TRAPPC12: variants seen among roughly 807,000 people sequenced by gnomAD.
TRAPPC12 encodes the protein trafficking protein particle complex subunit 12, also known as TPR repeat protein 15.
TRAPPC12 carries 61 observed loss-of-function variants against 69.2 expected under a neutral mutation model. That is an observed-to-expected ratio of 0.88 (90% CI 0.72 to 1.09). TRAPPC12 has a LOEUF of 1.09. TRAPPC12 is among the 50% of genes least tolerant of loss of function. TRAPPC12 has a pLI of 0.00. For synonymous variants in TRAPPC12, 469 were observed against 438.9 expected (o/e 1.07, Z -0.86); for missense variants, 1,101 against 1,016.4 (o/e 1.08, Z -1.13).
chr2:3,478,994 C>A, intron 11 of TRAPPC12, 61 bp downstream of exon 11: 10 of 1,545,956 alleles, frequency 6.5e-6, no homozygotes, highest in Non-Finnish European at 8.9e-6. Flanking sequence ...TAGAAACATA[C>A]ACCCACACAC....
intron 6 of TRAPPC12, chr2:3,457,148 A>C: frequency 2.2e-6 from 1 of 463,218 alleles, no homozygotes; most frequent in Non-Finnish European, 4.4e-6. Context: ...TGTTGTTTGC[A>C]GCAACATGGA....
intron 6 of TRAPPC12, among the ~76,000 whole-genome samples, 169 bp downstream of exon 6, chr2:3,444,060 T>C (rs897356613): frequency 6.6e-6 from 1 of 152,254 alleles, no homozygotes; most frequent in African/African-American, 2.4e-5. Context: ...GTCGTGTCTC[T>C]TGCTGAAATC....
intron 5 of TRAPPC12, among the ~76,000 whole-genome samples, chr2:3,440,851 TGA>T (rs1271437770): frequency 1.3e-5 from 2 of 152,202 alleles, no homozygotes; most frequent in Non-Finnish European, 2.9e-5. Flanking sequence ...CCTAGTTGGC[TGA>T]GAGTTTTTAT....
chr2:3,477,704 A>C lies in TRAPPC12; in HGVS notation c.1786A>C (p.Ile596Leu), dbSNP rs772796329. The C allele has an allele frequency of 1.9e-6, 3 of 1,607,176 alleles. No individual in the cohort carries two copies. In the African/African-American group the frequency reaches 4.0e-5, roughly 22 times the overall value. ...IGRISLQIGD[I>L]KTAEKYFQDV... ...AATTTTGTCAAAGCAGATTGGAGACATAAAAACAGCTGAAAAGTATTTTCA... is the reference window on the plus strand; with the variant it reads ...AATTTTGTCAAAGCAGATTGGAGACCTAAAAACAGCTGAAAAGTATTTTCA... The change falls in exon 10 of 12, where the codon ATA (isoleucine) becomes CTA (leucine). Residue 596 changes from isoleucine (I) to leucine (L), a missense_variant. Physicochemically the swap from Ile to Leu is conservative, Grantham distance 5 (BLOSUM62 2). Transcript: ENST00000324266.
chr2:3,383,701 G>T (rs369451671), intron 1 of TRAPPC12, among the ~76,000 whole-genome samples: 1 of 151,808 alleles, frequency 6.6e-6, no homozygotes, highest in African/African-American at 2.4e-5. Flanking sequence ...CACCGCACCC[G>T]GCCTTCACAG....
At chr2:3,381,595 A>G (rs1467321590) in intron 1 of TRAPPC12, among the ~76,000 whole-genome samples, 1 of 152,218 alleles carries the variant, frequency 6.6e-6, no homozygotes, top group Non-Finnish European at 1.5e-5. Flanking sequence ...AGGAGGGAGT[A>G]AAGATTTCTA....
chr2:3,444,177 C>T (rs1406469317), intron 6 of TRAPPC12, among the ~76,000 whole-genome samples: 1 of 152,248 alleles, frequency 6.6e-6, no homozygotes, highest in Non-Finnish European at 1.5e-5. Context: ...GCCAAGGCTG[C>T]CAGCTGAAGC....
intron 9 of TRAPPC12, 157 bp downstream of exon 9, chr2:3,465,852 A>G: frequency 1.6e-6 from 1 of 633,206 alleles, no homozygotes; most frequent in Admixed American, 2.6e-5. Context: ...GGTTCTTTCC[A>G]GGAGTTCTGG....
At chr2:3,419,961 A>G (rs1662683068) in intron 3 of TRAPPC12, among the ~76,000 whole-genome samples, 1 of 152,238 alleles carries the variant, frequency 6.6e-6, no homozygotes, top group Admixed American at 6.5e-5. Flanking sequence ...GCCTCCTACA[A>G]CACTAAACAT....
At chr2:3,444,279 A>G (rs1172310806) in intron 6 of TRAPPC12, among the ~76,000 whole-genome samples, 1 of 152,258 alleles carries the variant, frequency 6.6e-6, no homozygotes, top group Non-Finnish European at 1.5e-5. Flanking sequence ...CAGTACTGAA[A>G]GCAATCATGG....
At position 3,387,661 on chromosome 2, in the gene TRAPPC12, C is replaced by G. The variant is rs970595253; in HGVS notation, c.38C>G (p.Pro13Arg). 1 of 1,549,316 alleles carries G rather than the reference C, an allele frequency of 6.5e-7. No homozygotes were observed. Among genetic ancestry groups the G allele is most frequent in the Non-Finnish European group, 8.7e-7 (1 of 1,145,586 alleles). ...DAGGGEETPA[P>R]EAPHPPQLAP... ...GGCGGCGGCGAGGAGACCCCGGCCC[C>G]GGAGGCCCCGCACCCCCCTCAGCTC... The change falls in exon 2 of 12, where the codon CCG (proline) becomes CGG (arginine). Residue 13 changes from proline to arginine, a missense_variant. Transcript: ENST00000324266.
intron 9 of TRAPPC12, among the ~76,000 whole-genome samples, chr2:3,476,149 C>T (rs1463523720): frequency 6.6e-6 from 1 of 152,154 alleles, no homozygotes; most frequent in Non-Finnish European, 1.5e-5. Context: ...TGTGTGTGCA[C>T]GCCTGTGTTT....
intron 2 of TRAPPC12, among the ~76,000 whole-genome samples, chr2:3,390,131 TA>T (rs1660746703): frequency 2.0e-5 from 3 of 152,202 alleles, no homozygotes; most frequent in South Asian, 4.1e-4. Flanking sequence ...AGCTAGGCTT[TA>T]AACTGTCTTC....
chr2:3,388,725 A>G, intron 2 of TRAPPC12, 55 bp downstream of exon 2: 1 of 1,450,312 alleles, frequency 6.9e-7, no homozygotes, highest in East Asian at 2.5e-5. Flanking sequence ...CGTCTGTGAG[A>G]TACGCACAGT....
chr2:3,388,337 C>T lies in TRAPPC12; in HGVS notation c.714C>T (p.Pro238=), dbSNP rs531841765. The change falls in exon 2 of 12, where the codon CCC becomes CCT. Residue 238 remains proline (P), a synonymous_variant. Transcript: ENST00000324266. ...TTSAFISVSN[P]GAGSPAPASP... is the part of the protein sequence containing the mutation. ...CCGCCTTCATTTCCGTCAGCAATCCCGGCGCGGGCTCCCCGGCCCCCGCCA... is the reference window on the plus strand; with the variant it reads ...CCGCCTTCATTTCCGTCAGCAATCCTGGCGCGGGCTCCCCGGCCCCCGCCA... 6.0e-5 allele frequency: 95 copies of T among 1,594,378 alleles called. No individual in the cohort carries two copies. The highest frequency in any genetic ancestry group is 5.1e-6 in the Non-Finnish European group (6 of 1,171,156).
At chr2:3,461,652 G>A (rs907209699) in intron 8 of TRAPPC12, among the ~76,000 whole-genome samples, 3 of 152,186 alleles carry the variant, frequency 2.0e-5, no homozygotes, top group South Asian at 2.1e-4. Flanking sequence ...TTTTTCTTCC[G>A]CTGCCACTCC....
chr2:3,396,675 C>T (rs996594872), intron 2 of TRAPPC12, among the ~76,000 whole-genome samples: 1 of 152,144 alleles, frequency 6.6e-6, no homozygotes, highest in Non-Finnish European at 1.5e-5. Flanking sequence ...AGAATTTCTA[C>T]TGCTGTCCTT....
At chr2:3,465,489 C>T (rs191934974) in intron 8 of TRAPPC12, 108 bp from the exon 9 acceptor site, 11 of 756,278 alleles carry the variant, frequency 1.5e-5, no homozygotes, top group Middle Eastern at 3.1e-4. Context: ...CCTGCGTCAG[C>T]GTGTCCTCTC....
At chr2:3,380,737 A>G (rs1660169052) in intron 1 of TRAPPC12, among the ~76,000 whole-genome samples, 1 of 152,210 alleles carries the variant, frequency 6.6e-6, no homozygotes, top group Admixed American at 6.5e-5. Context: ...ATCTGATGGG[A>G]TCTTCTTCAC....
Sources: allele counts gnomAD v4.1 joint callset (sites outside exome capture counted in the v4.1 genomes callset), GRCh38; gene constraint gnomAD v4.1.1; transcripts MANE v1.5; gene names NCBI Gene and HGNC (gene_info 2026-07-23, HGNC 2026-07-21).